HCK: variants seen among roughly 807,000 people sequenced by gnomAD.
The protein encoded by HCK is HCK proto-oncogene, Src family tyrosine kinase.
Under a neutral mutation model 70.4 loss-of-function variants are expected in HCK, and 40 were observed. The observed-to-expected ratio is 0.57, with a 90% CI of 0.44 to 0.74. The LOEUF is 0.74. Ranked by LOEUF, HCK falls within the 30% of genes least tolerant of loss-of-function variation. HCK has a pLI of 0.00. For missense variants in HCK, 568 were observed against 697.2 expected (o/e 0.81, Z 2.09); for synonymous variants, 245 against 263.2 (o/e 0.93, Z 0.67).
intron 8 of HCK, among the ~76,000 whole-genome samples, chr20:32,086,121 A>T (rs1305396403): frequency 6.6e-6 from 1 of 152,106 alleles, no homozygotes; most frequent in Non-Finnish European, 1.5e-5. Context: ...CTGGGTTCAC[A>T]CCATTCTCCT....
At chr20:32,080,952 G>A (rs777860896) in intron 6 of HCK, among the ~76,000 whole-genome samples, 39 of 152,090 alleles carry the variant, frequency 2.6e-4, no homozygotes, top group Non-Finnish European at 5.0e-4. Context: ...AGCCAAGCAT[G>A]GTGGTGCACA....
chr20:32,054,577 C>T (rs567564706), intron 1 of HCK, among the ~76,000 whole-genome samples: 4 of 141,670 alleles, frequency 2.8e-5, no homozygotes, highest in Admixed American at 1.5e-4. Flanking sequence ...GAGGCTGAGC[C>T]GGGCGGATCA....
chr20:32,072,748 C>A (rs1310011467), intron 2 of HCK, among the ~76,000 whole-genome samples: 1 of 151,912 alleles, frequency 6.6e-6, no homozygotes, highest in Non-Finnish European at 1.5e-5. Context: ...TCTGGACCGA[C>A]CCCTTCACTG....
intron 7 of HCK, 61 bp from the exon 8 acceptor site, chr20:32,084,330 G>A: frequency 6.5e-7 from 1 of 1,532,222 alleles, no homozygotes; most frequent in African/African-American, 1.4e-5. Context: ...CGGCCTCCAA[G>A]GAGCAACCTC....
Position 32,066,331 on chromosome 20 carries a change from T to TTTTTTTTTTTTTTTTTGA in HCK, c.63-5331_63-5330insTTTTTTTTTTTTTTTTGA, listed in dbSNP as rs60044994. ...TTTTTTTTTTTTTTTTTTTTTTTTT[T>TTTTTTTTTTTTTTTTTGA]GACAGAGTCTTGCTCTGTTTCCCAG... On this transcript the variant is annotated intron_variant, in intron 1 of 12. Coordinates refer to ENST00000375852, the MANE Select transcript of HCK (RefSeq NM_002110.5). Among the ~76,000 whole-genome samples the TTTTTTTTTTTTTTTTTGA allele has an allele frequency of 4.3e-4, 35 of 81,908 alleles. 12 individuals carry two copies. The East Asian group carries it at 5.0e-3, about 12-fold the overall frequency. 53.7% of individuals were successfully genotyped at this position (81,908 alleles called of 152,430 possible). A position where few individuals can be genotyped will look rare whatever the true frequency, so the allele number is the denominator to read the frequency against.
chr20:32,056,044 T>G (rs2045265899), intron 1 of HCK, among the ~76,000 whole-genome samples: 1 of 152,274 alleles, frequency 6.6e-6, no homozygotes, highest in South Asian at 2.1e-4. Context: ...TGTATGGATA[T>G]TCCACAGTTT....
chr20:32,090,522 G>A (rs986969881), intron 10 of HCK, among the ~76,000 whole-genome samples: 1 of 152,152 alleles, frequency 6.6e-6, no homozygotes, highest in South Asian at 2.1e-4. Context: ...ACTGAAGCAG[G>A]GTGGGGGGCT....
At chr20:32,052,524 C>A in intron 1 of HCK, 38 bp downstream of exon 1, 1 of 1,246,756 alleles carries the variant, frequency 8.0e-7, no homozygotes, top group South Asian at 3.3e-5. Context: ...ATACCCGGCC[C>A]GCGAGGGGTC....
In HCK at chr20:32,058,605, A is replaced by AACACACACACAC. The variant is rs60349531; in HGVS notation, c.62+6143_62+6154dup. On this transcript the variant is annotated intron_variant, in intron 1 of 12. Coordinates refer to ENST00000375852, the MANE Select transcript of HCK (RefSeq NM_002110.5). Reference sequence around the variant, plus strand: ...TGCAGCACAATTCCTTTTATGTCAAAACACACACACACACACACACACACA... The same window carrying AACACACACACAC: ...TGCAGCACAATTCCTTTTATGTCAAAACACACACACACACACACACACACACACACACACACA... 3.4e-3 allele frequency among the ~76,000 whole-genome samples: 483 copies of AACACACACACAC among 142,428 alleles called. 1 individual carries two copies. The highest frequency in any genetic ancestry group is 0.011 in the East Asian group (51 of 4,776). The allele number at this position is 142,428 out of a possible 152,430, so 93.4% of individuals were successfully genotyped here. A position where few individuals can be genotyped will look rare whatever the true frequency, so the allele number is the denominator to read the frequency against.
At chr20:32,062,043 G>A (rs1238479789) in intron 1 of HCK, among the ~76,000 whole-genome samples, 3 of 150,554 alleles carry the variant, frequency 2.0e-5, no homozygotes, top group Non-Finnish European at 4.4e-5. Flanking sequence ...GGGTTCAAGC[G>A]ATTCTCCTGC....
At chr20:32,086,212 G>A (rs980112259) in intron 8 of HCK, among the ~76,000 whole-genome samples, 20 of 152,126 alleles carry the variant, frequency 1.3e-4, no homozygotes, top group African/African-American at 4.8e-4. Flanking sequence ...GTAGAGACGG[G>A]GTTTCACCGT....
In HCK at chr20:32,052,358, C is replaced by A; in HGVS notation, c.-67C>A. On this transcript the variant is annotated 5_prime_UTR_variant, in exon 1 of 13. Coordinates refer to ENST00000375852, the MANE Select transcript of HCK (RefSeq NM_002110.5). ...GCACCAAAGCCCCTCAGAGCGTCGC[C>A]CCCGCCTCTAGTTCTAGAAAGTCAG... 8.6e-7 allele frequency: 1 copy of A among 1,159,628 alleles called. No individual in the cohort carries two copies. The highest frequency in any genetic ancestry group is 1.1e-6 in the Non-Finnish European group (1 of 896,172). The allele number at this position is 1,159,628 out of a possible 1,614,324, so 71.8% of individuals were successfully genotyped here. A position where few individuals can be genotyped will look rare whatever the true frequency, so the allele number is the denominator to read the frequency against.
At chr20:32,098,546 C>G (rs1394429189) in intron 11 of HCK, among the ~76,000 whole-genome samples, 1 of 151,974 alleles carries the variant, frequency 6.6e-6, no homozygotes, top group African/African-American at 2.4e-5. Context: ...GGAGGAAGGG[C>G]GGGTAAAGGG....
intron 8 of HCK, among the ~76,000 whole-genome samples, chr20:32,086,405 A>T (rs1389659597): frequency 6.6e-6 from 1 of 152,208 alleles, no homozygotes; most frequent in Non-Finnish European, 1.5e-5. Context: ...CGGCTCAGAG[A>T]CGTTAAGCCA....
At chr20:32,075,706 T>TCATTCATC (rs747584152) in intron 5 of HCK, among the ~76,000 whole-genome samples, 3 of 150,358 alleles carry the variant, frequency 2.0e-5, no homozygotes, top group African/African-American at 7.4e-5. Flanking sequence ...ATCCATCCAT[T>TCATTCATC]CATCCATCCA....
chr20:32,052,498 G>A lies in HCK; in HGVS notation c.62+12G>A, dbSNP rs530545429. On this transcript the variant is annotated intron_variant, in intron 1 of 12. Coordinates refer to ENST00000375852, the MANE Select transcript of HCK (RefSeq NM_002110.5). ...GAGCGGGCGCCCAGGTGAGTGCCGCGCACAGGGGACCGGGAATACCCGGCC... is the reference window on the plus strand; with the variant it reads ...GAGCGGGCGCCCAGGTGAGTGCCGCACACAGGGGACCGGGAATACCCGGCC... 343 of 1,264,456 alleles carry A rather than the reference G, an allele frequency of 2.7e-4. 2 individuals carry two copies. The African/African-American group carries it at 3.8e-3, about 14-fold the overall frequency. The allele number at this position is 1,264,456 out of a possible 1,614,324, so 78.3% of individuals were successfully genotyped here. A position where few individuals can be genotyped will look rare whatever the true frequency, so the allele number is the denominator to read the frequency against.
At chr20:32,066,331 T>TTTTTTTTGGA (rs60044994) in intron 1 of HCK, among the ~76,000 whole-genome samples, 3 of 81,878 alleles carry the variant, frequency 3.7e-5, no homozygotes, top group East Asian at 5.5e-4. Context: ...TTTTTTTTTT[T>TTTTTTTTGGA]GACAGAGTCT....
chr20:32,093,890 C>T lies in HCK; in HGVS notation c.1120C>T (p.Gln374Ter). Residue 374 changes from glutamine to a stop codon, truncating the protein, a stop_gained, in exon 11 of 13, where the codon CAG (glutamine) becomes TAG (stop). Transcript: ENST00000375852. LOFTEE classifies it high-confidence loss of function. Reference sequence around the variant, plus strand: ...TGCAGAAGGCATGGCCTTCATCGAGCAGAGGAACTACATCCACCGAGACCT... The same window carrying T: ...TGCAGAAGGCATGGCCTTCATCGAGTAGAGGAACTACATCCACCGAGACCT... 1 of 1,612,846 alleles carries T rather than the reference C, an allele frequency of 6.2e-7. No homozygotes were observed. Among genetic ancestry groups the T allele is most frequent in the Non-Finnish European group, 8.5e-7 (1 of 1,179,544 alleles).
chr20:32,069,742 A>G, intron 1 of HCK: 1 of 1,274,872 alleles, frequency 7.8e-7, no homozygotes, highest in South Asian at 1.2e-5. Flanking sequence ...CCCAGTTCCC[A>G]CCAGAAGAGG....
Sources: gnomAD v4.1 joint callset for allele counts (sites outside exome capture counted in the v4.1 genomes callset) on GRCh38, gnomAD v4.1.1 for gene constraint, MANE v1.5 for transcripts, NCBI Gene and HGNC (gene_info 2026-07-23, HGNC 2026-07-21) for gene names.